The following FNDC3B variants were observed in gnomAD, a reference collection of about 807,000 sequenced individuals.
FNDC3B encodes fibronectin type III domain-containing protein 3B.
A neutral mutation model predicts 151.5 loss-of-function variants in FNDC3B; 12 were observed. The ratio of observed to expected loss-of-function variants is 0.08; its 90% CI spans 0.05 to 0.13. The LOEUF (loss-of-function observed/expected upper bound fraction) is 0.13, where lower values mean the gene tolerates loss of function less well. Among genes scored for constraint, FNDC3B ranks in the 10% least tolerant of loss-of-function variants. FNDC3B has a pLI of 1.00. For synonymous variants in FNDC3B, 528 were observed against 549.0 expected (o/e 0.96, Z 0.54); for missense variants, 1,214 against 1,505.3 (o/e 0.81, Z 3.20).
intron 3 of FNDC3B, among the ~76,000 whole-genome samples, chr3:172,211,122 A>T (rs1200626664): frequency 6.6e-6 from 1 of 152,248 alleles, no homozygotes; most frequent in Non-Finnish European, 1.5e-5. Flanking sequence ...AAAACTTTAA[A>T]TATTTTAATG....
intron 25 of FNDC3B, among the ~76,000 whole-genome samples, chr3:172,386,440 G>A (rs1735711774): frequency 6.6e-6 from 1 of 152,148 alleles, no homozygotes; most frequent in African/African-American, 2.4e-5. Context: ...GCTCAGATTT[G>A]TTGCGTAAAG....
At chr3:172,381,643 C>T (rs1315151312) in intron 25 of FNDC3B, among the ~76,000 whole-genome samples, 1 of 151,518 alleles carries the variant, frequency 6.6e-6, no homozygotes, top group Non-Finnish European at 1.5e-5. Flanking sequence ...CTGACAGGCC[C>T]CAGTGTGTGA....
chr3:172,327,671 T>G (rs1485264390), intron 11 of FNDC3B, among the ~76,000 whole-genome samples: 1 of 152,250 alleles, frequency 6.6e-6, no homozygotes, highest in Non-Finnish European at 1.5e-5. Context: ...CCCAAAGTGC[T>G]GGGATTACAG....
At chr3:172,370,759 A>C (rs995046986) in intron 23 of FNDC3B, among the ~76,000 whole-genome samples, 1 of 152,228 alleles carries the variant, frequency 6.6e-6, no homozygotes, top group Non-Finnish European at 1.5e-5. Flanking sequence ...ATTCACAAAC[A>C]CATAGAACTT....
At chr3:172,054,515 C>A (rs1048209404) in intron 1 of FNDC3B, among the ~76,000 whole-genome samples, 1 of 152,208 alleles carries the variant, frequency 6.6e-6, no homozygotes, top group Non-Finnish European at 1.5e-5. Flanking sequence ...GACAAAGACA[C>A]TAAGTGAAGA....
intron 6 of FNDC3B, among the ~76,000 whole-genome samples, chr3:172,279,060 A>G (rs1054586786): frequency 1.3e-5 from 2 of 152,212 alleles, no homozygotes; most frequent in African/African-American, 4.8e-5. Flanking sequence ...GAATCTTACT[A>G]GTATTTCAGT....
intron 1 of FNDC3B, among the ~76,000 whole-genome samples, chr3:172,070,799 C>T (rs774689724): frequency 3.9e-5 from 6 of 152,160 alleles, no homozygotes; most frequent in Non-Finnish European, 5.9e-5. Context: ...CATCTTTACC[C>T]GTTTTCATTC....
Position 172,357,594 on chromosome 3 carries a change from C to G in FNDC3B, c.2795+4511C>G, listed in dbSNP as rs144932680. ...GGAATTAGGAAATTATTTTCCCATACTGTGTTTTTCACCCTAAACCAAAAC... is the reference window on the plus strand; with the variant it reads ...GGAATTAGGAAATTATTTTCCCATAGTGTGTTTTTCACCCTAAACCAAAAC... On this transcript the variant is annotated intron_variant, in intron 22 of 25. Transcript: ENST00000415807. Among the ~76,000 whole-genome samples, 9 of 152,310 alleles carry G rather than the reference C, an allele frequency of 5.9e-5. No homozygotes were observed. The East Asian group carries it at 1.7e-3, about 29-fold the overall frequency.
At chr3:172,341,316 A>C in intron 17 of FNDC3B, 85 bp downstream of exon 17, 1 of 968,208 alleles carries the variant, frequency 1.0e-6, no homozygotes, top group Non-Finnish European at 1.7e-6. Flanking sequence ...ATTGCAGTTT[A>C]AACAATGTAT....
intron 6 of FNDC3B, among the ~76,000 whole-genome samples, chr3:172,267,524 T>C (rs1728988029): frequency 6.6e-6 from 1 of 152,168 alleles, no homozygotes; most frequent in South Asian, 2.1e-4. Context: ...GTGCTGGAAA[T>C]AGAAGTGAGT....
intron 25 of FNDC3B, among the ~76,000 whole-genome samples, chr3:172,385,837 C>T (rs536570440): frequency 2.0e-5 from 3 of 152,252 alleles, no homozygotes; most frequent in East Asian, 1.9e-4. Context: ...GGATTACAGG[C>T]GTGAGCCACC....
At chr3:172,309,992 A>G (rs1284656972) in intron 10 of FNDC3B, among the ~76,000 whole-genome samples, 1 of 152,044 alleles carries the variant, frequency 6.6e-6, no homozygotes, top group Non-Finnish European at 1.5e-5. Flanking sequence ...TTTCCTAGGG[A>G]AGAGTCGGCC....
At chr3:172,223,752 A>C (rs6782568) in intron 3 of FNDC3B, among the ~76,000 whole-genome samples, 116,900 of 152,146 alleles carry the variant, frequency 0.77, 45,169 homozygotes, top group African/African-American at 0.81. Flanking sequence ...TGGGTGTGGA[A>C]TATTAAAAAG....
At chr3:172,196,096 C>A (rs1405922962) in intron 3 of FNDC3B, among the ~76,000 whole-genome samples, 4 of 152,156 alleles carry the variant, frequency 2.6e-5, no homozygotes, top group Non-Finnish European at 4.4e-5. Context: ...AGGTACTTGG[C>A]ATTTGATGAA....
At chr3:172,311,746 C>G (rs920212780) in intron 11 of FNDC3B, among the ~76,000 whole-genome samples, 13 of 150,124 alleles carry the variant, frequency 8.7e-5, no homozygotes, top group Non-Finnish European at 1.5e-4. Context: ...GGCGTAGTGG[C>G]GGGCGCCTGT....
intron 1 of FNDC3B, among the ~76,000 whole-genome samples, chr3:172,092,580 C>T (rs1038478307): frequency 5.9e-5 from 9 of 152,172 alleles, no homozygotes; most frequent in African/African-American, 9.7e-5. Context: ...ACCCTCCTTT[C>T]ATGCATGAGG....
chr3:172,181,410 A>AAAC (rs1553769949), intron 3 of FNDC3B, among the ~76,000 whole-genome samples: 5 of 144,110 alleles, frequency 3.5e-5, no homozygotes, highest in Admixed American at 7.2e-5. Flanking sequence ...AAAAAAAAAA[A>AAAC]AAAACAAAAA....
chr3:172,376,811 G>A (rs1160418737), intron 23 of FNDC3B, among the ~76,000 whole-genome samples: 1 of 148,434 alleles, frequency 6.7e-6, no homozygotes, highest in African/African-American at 2.5e-5. Context: ...TACACACGTG[G>A]ATATTTTAAA....
At chr3:172,255,858 GCCT>G (rs1728310571) in intron 6 of FNDC3B, among the ~76,000 whole-genome samples, 1 of 152,202 alleles carries the variant, frequency 6.6e-6, no homozygotes, top group Non-Finnish European at 1.5e-5. Context: ...CTGGTGCACA[GCCT>G]CTTGGGACTT....
Sources: gnomAD v4.1 joint callset for allele counts (sites outside exome capture counted in the v4.1 genomes callset) on GRCh38, gnomAD v4.1.1 for gene constraint, MANE v1.5 for transcripts, NCBI Gene and HGNC (gene_info 2026-07-23, HGNC 2026-07-21) for gene names.